KLF12: variants seen among roughly 807,000 people sequenced by gnomAD.
KLF12 encodes the protein KLF transcription factor 12, also known as Krueppel-like factor 12.
KLF12 carries 9 observed loss-of-function variants against 37.8 expected under a neutral mutation model. The observed-to-expected ratio is 0.24, with a 90% CI of 0.14 to 0.42. The LOEUF (loss-of-function observed/expected upper bound fraction) is 0.42, where lower values mean the gene tolerates loss of function less well. Ranked by LOEUF, KLF12 falls within the 10% of genes least tolerant of loss-of-function variation. The pLI, the probability that KLF12 is intolerant of heterozygous loss-of-function variation, is 1.00. For synonymous variants in KLF12, 208 were observed against 202.1 expected (o/e 1.03, Z -0.25); for missense variants, 411 against 516.0 (o/e 0.80, Z 1.97).
chr13:73,741,735 A>C (rs1877997944), intron 6 of KLF12, among the ~76,000 whole-genome samples: 1 of 152,190 alleles, frequency 6.6e-6, no homozygotes, highest in Non-Finnish European at 1.5e-5. Flanking sequence ...TTGACTTTAC[A>C]CTAACAAGTT....
intron 3 of KLF12, among the ~76,000 whole-genome samples, chr13:73,908,442 A>G (rs1230565160): frequency 1.3e-5 from 2 of 149,820 alleles, no homozygotes; most frequent in Non-Finnish European, 1.5e-5. Context: ...AACCTTTCTG[A>G]TTAATCTTTA....
At chr13:74,029,942 C>T (rs7991281) in intron 1 of KLF12, among the ~76,000 whole-genome samples, 14,971 of 152,016 alleles carry the variant, frequency 0.098, 814 homozygotes, top group African/African-American at 0.11. Context: ...CAGGAAGAGC[C>T]TGATTCACTC....
chr13:74,256,038 C>G, the KLF12 span, among the ~76,000 whole-genome samples: 3 of 151,940 alleles, frequency 2.0e-5, no homozygotes, highest in East Asian at 5.8e-4. Flanking sequence ...GCCTGTAGTC[C>G]CAGCTACTTG....
intron 3 of KLF12, among the ~76,000 whole-genome samples, chr13:73,931,814 CT>C (rs34804436): frequency 0.6 from 87,011 of 145,750 alleles, 25,714 homozygotes; most frequent in East Asian, 0.7. Context: ...AAATATTTTG[CT>C]TTTTTTTTTT....
At chr13:74,056,800 GC>G (rs1873268967) in intron 1 of KLF12, among the ~76,000 whole-genome samples, 1 of 152,176 alleles carries the variant, frequency 6.6e-6, no homozygotes, top group Non-Finnish European at 1.5e-5. Context: ...ATATTTAAGA[GC>G]CATGTCTGCC....
At chr13:73,731,516 C>A (rs1290493867) in intron 6 of KLF12, among the ~76,000 whole-genome samples, 1 of 117,980 alleles carries the variant, frequency 8.5e-6, no homozygotes, top group African/African-American at 3.3e-5. Flanking sequence ...AAGGCCGGGT[C>A]CATGGTAGAG....
intron 6 of KLF12, among the ~76,000 whole-genome samples, chr13:73,721,665 G>T (rs566502097): frequency 6.6e-6 from 1 of 151,640 alleles, no homozygotes; most frequent in Middle Eastern, 3.5e-3. Context: ...CAATCCTTCC[G>T]CCTCAGCCTC....
At chr13:74,218,317 GA>G in the KLF12 span, among the ~76,000 whole-genome samples, 19 of 152,322 alleles carry the variant, frequency 1.2e-4, no homozygotes, top group African/African-American at 4.6e-4. Context: ...TAAGGCAAAT[GA>G]AAAGGGAGTG....
At chr13:73,837,174 G>T (rs1271773042) in intron 4 of KLF12, among the ~76,000 whole-genome samples, 1 of 151,998 alleles carries the variant, frequency 6.6e-6, no homozygotes, top group Non-Finnish European at 1.5e-5. Context: ...TTTAATGCAG[G>T]GAGGTGGGAG....
At chr13:74,089,169 G>A (rs956295106) in intron 1 of KLF12, among the ~76,000 whole-genome samples, 8 of 151,934 alleles carry the variant, frequency 5.3e-5, no homozygotes, top group Non-Finnish European at 1.0e-4. Flanking sequence ...TAAATGATGG[G>A]GTAAATGAGT....
At chr13:74,012,148 C>T (rs1453951702) in intron 1 of KLF12, among the ~76,000 whole-genome samples, 1 of 152,198 alleles carries the variant, frequency 6.6e-6, no homozygotes, top group Non-Finnish European at 1.5e-5. Context: ...TCTTCAGCCC[C>T]TTGGAGAGCT....
At chr13:74,057,605 C>T (rs1040713016) in intron 1 of KLF12, among the ~76,000 whole-genome samples, 1 of 152,216 alleles carries the variant, frequency 6.6e-6, no homozygotes, top group African/African-American at 2.4e-5. Context: ...AGTTGCTTTT[C>T]TTATCCCCAG....
At chr13:74,134,987 G>A (rs1429182975), upstream of KLF12, among the ~76,000 whole-genome samples, 2 of 151,538 alleles carry the variant, frequency 1.3e-5, no homozygotes, top group Admixed American at 6.6e-5. Context: ...CCTGGGCGCC[G>A]GGCATCGCCC....
At chr13:73,943,923 G>C in intron 3 of KLF12, 58 bp downstream of exon 3, 1 of 1,038,962 alleles carries the variant, frequency 9.6e-7, no homozygotes. Flanking sequence ...AGGATGCTCT[G>C]CAGAAGAATG....
chr13:74,066,180 C>T (rs1318267745), intron 1 of KLF12, among the ~76,000 whole-genome samples: 3 of 152,028 alleles, frequency 2.0e-5, no homozygotes, highest in Non-Finnish European at 2.9e-5. Flanking sequence ...AATATGGAAC[C>T]CAACATCTGT....
At chr13:73,963,374 G>A (rs1891080399) in intron 2 of KLF12, among the ~76,000 whole-genome samples, 1 of 121,868 alleles carries the variant, frequency 8.2e-6, no homozygotes, top group African/African-American at 2.9e-5. Flanking sequence ...ACACACACTC[G>A]GAATTATTTG....
intron 6 of KLF12, among the ~76,000 whole-genome samples, chr13:73,761,518 T>C (rs1173070824): frequency 1.3e-5 from 2 of 152,164 alleles, no homozygotes; most frequent in African/African-American, 4.8e-5. Flanking sequence ...TTCTCCCGCT[T>C]ATTTACCTTC....
chr13:74,238,748 C>G, the KLF12 span, among the ~76,000 whole-genome samples: 1 of 151,770 alleles, frequency 6.6e-6, no homozygotes, highest in Non-Finnish European at 1.5e-5. Flanking sequence ...GTAGTATTCT[C>G]TGATGGTAGT....
At chr13:73,925,853 T>G (rs1375739481) in intron 3 of KLF12, among the ~76,000 whole-genome samples, 1 of 152,082 alleles carries the variant, frequency 6.6e-6, no homozygotes, top group Non-Finnish European at 1.5e-5. Flanking sequence ...CTTGGAGGTG[T>G]TTAAGACTTC....
Sources: gnomAD v4.1 joint callset for allele counts (sites outside exome capture counted in the v4.1 genomes callset) on GRCh38, gnomAD v4.1.1 for gene constraint, MANE v1.5 for transcripts, NCBI Gene and HGNC (gene_info 2026-07-23, HGNC 2026-07-21) for gene names.